The following MEIOSIN variants were observed in gnomAD, a reference collection of about 807,000 sequenced individuals.
MEIOSIN encodes meiosis initiator.
In MEIOSIN, 18 loss-of-function variants were observed where a neutral mutation model predicts 23.4. The observed-to-expected ratio is 0.77, with a 90% CI of 0.53 to 1.14. MEIOSIN has a LOEUF of 1.14. Ranked by LOEUF, MEIOSIN falls within the 50% of genes most tolerant of loss-of-function variation. The probability of loss-of-function intolerance (pLI) is 0.00; values close to 1 mark genes in which losing one functional copy is unlikely to be tolerated. For synonymous variants in MEIOSIN, 187 were observed against 100.6 expected (o/e 1.86, Z -5.14); for missense variants, 428 against 242.9 (o/e 1.76, Z -5.07).
At chr19:45,746,578 G>A (rs918463314) in intron 4 of MEIOSIN, among the ~76,000 whole-genome samples, 1 of 152,126 alleles carries the variant, frequency 6.6e-6, no homozygotes, top group East Asian at 1.9e-4. Context: ...TCAGTAGTTT[G>A]GGAGGCCGAG....
chr19:45,740,999 C>G (rs1003746498), intron 3 of MEIOSIN, among the ~76,000 whole-genome samples: 1 of 152,044 alleles, frequency 6.6e-6, no homozygotes, highest in Non-Finnish European at 1.5e-5. Context: ...ACCAGCGCAG[C>G]ATTATGGCTT....
intron 8 of MEIOSIN, among the ~76,000 whole-genome samples, chr19:45,756,354 C>T (rs921680562): frequency 1.3e-5 from 2 of 152,222 alleles, no homozygotes; most frequent in African/African-American, 4.8e-5. Context: ...AACACAGAGA[C>T]GTTGACCACG....
chr19:45,739,847 T>C (rs1968470430), intron 3 of MEIOSIN, 117 bp downstream of exon 3: 1 of 622,684 alleles, frequency 1.6e-6, no homozygotes, highest in Non-Finnish European at 2.9e-6. Flanking sequence ...CATGCTTTCT[T>C]TCTTCCTTTT....
Position 45,733,772 on chromosome 19 carries a change from G to A in MEIOSIN, c.-1+106G>A, listed in dbSNP as rs1968363354. The A allele has an allele frequency of 6.6e-6, 1 of 152,334 alleles. No individual in the cohort carries two copies. Among genetic ancestry groups the A allele is most frequent in the African/African-American group, 2.4e-5 (1 of 41,466 alleles). 9.4% of individuals were successfully genotyped at this position (152,334 alleles called of 1,614,324 possible). ...ATCCCCACAGGAGCTTCCCTCGGTG[G>A]GGGGCTCAGGGGAATAGAACATGCT... On this transcript the variant is annotated intron_variant, in intron 1 of 14. Coordinates refer to ENST00000457052, the MANE Select transcript of MEIOSIN (RefSeq NM_001310124.2). This position sits in a 1 kb window ranked among gnomAD's most constrained non-coding sequence, Gnocchi z 5.7.
intron 9 of MEIOSIN, among the ~76,000 whole-genome samples, chr19:45,757,802 T>C (rs1968860046): frequency 6.6e-6 from 1 of 152,070 alleles, no homozygotes; most frequent in African/African-American, 2.4e-5. Context: ...ATTACAGGCA[T>C]GAACCACCCC....
rs1468316636 is a variant in MEIOSIN at position 45,751,310 on chromosome 19, ATAT to A, written c.418+525_418+527del. 1.0e-4 allele frequency among the ~76,000 whole-genome samples: 15 copies of A among 146,726 alleles called. No individual in the cohort carries two copies. In the South Asian group the frequency reaches 1.1e-3, roughly 10 times the overall value. On this transcript the variant is annotated intron_variant, in intron 5 of 14. Transcript: ENST00000457052. ...AATAATAATAATAATAATAATAATA[ATAT>A]ATACATAAAATAAAATAAATCTGAT...
At chr19:45,754,021 C>A (rs1968768076) in intron 6 of MEIOSIN, among the ~76,000 whole-genome samples, 1 of 138,208 alleles carries the variant, frequency 7.2e-6, no homozygotes. Flanking sequence ...CTCACTCTGT[C>A]CACCAGGCTG....
At chr19:45,746,252 C>G (rs1968593462) in intron 4 of MEIOSIN, among the ~76,000 whole-genome samples, 1 of 152,198 alleles carries the variant, frequency 6.6e-6, no homozygotes, top group Admixed American at 6.5e-5. Flanking sequence ...CAGGCATAAG[C>G]CACTGCACCC....
intron 9 of MEIOSIN, among the ~76,000 whole-genome samples, chr19:45,758,549 C>T (rs868467999): frequency 6.6e-6 from 1 of 151,880 alleles, no homozygotes; most frequent in South Asian, 2.1e-4. Flanking sequence ...CTTCCTCAGC[C>T]TCCTGAGTAA....
chr19:45,762,494 C>T (rs1276113992), intron 13 of MEIOSIN, among the ~76,000 whole-genome samples: 1 of 152,208 alleles, frequency 6.6e-6, no homozygotes, highest in Non-Finnish European at 1.5e-5. Context: ...GTGGCACAAT[C>T]ACAGCTCACT....
rs1463044700 is a variant in MEIOSIN at position 45,734,889 on chromosome 19, G to GTTTGTT, written c.1-472_1-467dup. On this transcript the variant is annotated intron_variant, in intron 1 of 14. Coordinates refer to ENST00000457052, the MANE Select transcript of MEIOSIN (RefSeq NM_001310124.2). ...TTAGTGCCTTTTTAGAGGTTTAGGG[G>GTTTGTT]TTTGTTTTTGTTTTTGTTTTTTGAG... Among the ~76,000 whole-genome samples the GTTTGTT allele has an allele frequency of 4.2e-3, 635 of 151,254 alleles. 11 individuals are homozygous for GTTTGTT. Among genetic ancestry groups the GTTTGTT allele is most frequent in the African/African-American group, 0.015 (604 of 41,280 alleles).
intron 7 of MEIOSIN, 102 bp downstream of exon 7, chr19:45,754,826 A>G (rs2146193403): frequency 1.5e-6 from 1 of 651,316 alleles, no homozygotes; most frequent in East Asian, 2.7e-5. Flanking sequence ...GGGCTGCAGC[A>G]GTGAATAGGA....
In MEIOSIN at chr19:45,739,694, G is replaced by C. The variant is rs1015437558; in HGVS notation, c.140G>C (p.Arg47Thr). ...KVNPSEPHGL[R>T]MEEKWLLKGK... ...AACCCCTCCGAACCACATGGACTGA[G>C]AATGGAGGAGAAATGGTTGCTCAAA... The change falls in exon 3 of 15, where the codon AGA (arginine) becomes ACA (threonine). Residue 47 changes from arginine to threonine, a missense_variant. By Grantham distance (71) the Arg-to-Thr change is moderately conservative (BLOSUM62 -1). Coordinates refer to ENST00000457052, the MANE Select transcript of MEIOSIN (RefSeq NM_001310124.2). 3.3e-5 allele frequency: 23 copies of C among 703,466 alleles called. No homozygotes were observed. The highest frequency in any genetic ancestry group is 6.0e-5 in the Non-Finnish European group (23 of 385,126). The allele number at this position is 703,466 out of a possible 1,614,324, so 43.6% of individuals were successfully genotyped here. A position where few individuals can be genotyped will look rare whatever the true frequency, so the allele number is the denominator to read the frequency against.
intron 7 of MEIOSIN, among the ~76,000 whole-genome samples, chr19:45,755,089 G>A (rs985173579): frequency 6.6e-6 from 1 of 152,130 alleles, no homozygotes; most frequent in African/African-American, 2.4e-5. Context: ...GAGGGAGGTC[G>A]GAGCTCGAGG....
At chr19:45,735,520 A>T (rs1248003947) in intron 2 of MEIOSIN, 73 bp downstream of exon 2, 1 of 662,814 alleles carries the variant, frequency 1.5e-6, no homozygotes, top group Non-Finnish European at 2.8e-6. Flanking sequence ...ACATTTGCTG[A>T]GCATTTACCG....
chr19:45,760,944 A>G (rs1231881391), intron 11 of MEIOSIN, among the ~76,000 whole-genome samples: 1 of 145,940 alleles, frequency 6.9e-6, no homozygotes, highest in Non-Finnish European at 1.5e-5. Flanking sequence ...AAAAAGAAAG[A>G]AAAGAAAAAA....
intron 11 of MEIOSIN, among the ~76,000 whole-genome samples, chr19:45,760,094 C>A (rs759023631): frequency 6.6e-6 from 1 of 151,180 alleles, no homozygotes; most frequent in Non-Finnish European, 1.5e-5. Flanking sequence ...AGCCACCGTG[C>A]CCAGCTTCCC....
Position 45,756,648 on chromosome 19 carries a change from T to G in MEIOSIN, c.912-529T>G, listed in dbSNP as rs143424306. ...TATGTTGCCTAGGCTGGTCTTGAAC[T>G]CGTAGGCTCAAGCAATCCTCCCACC... On this transcript the variant is annotated intron_variant, in intron 8 of 14. Coordinates refer to ENST00000457052, the MANE Select transcript of MEIOSIN (RefSeq NM_001310124.2). Among the ~76,000 whole-genome samples, 225 of 152,232 alleles carry G rather than the reference T, an allele frequency of 1.5e-3. 6 individuals are homozygous for G. The East Asian group carries it at 0.039, about 26-fold the overall frequency.
At chr19:45,762,358 C>T (rs1164452860) in intron 13 of MEIOSIN, among the ~76,000 whole-genome samples, 175 bp downstream of exon 13, 1 of 152,088 alleles carries the variant, frequency 6.6e-6, no homozygotes, top group Non-Finnish European at 1.5e-5. Flanking sequence ...TTGTATTGGA[C>T]AGGGTCCATC....
Sources: gnomAD v4.1 joint callset for allele counts (sites outside exome capture counted in the v4.1 genomes callset) on GRCh38, gnomAD v4.1.1 for gene constraint, Gnocchi (gnomAD v3.1) non-coding constraint, MANE v1.5 for transcripts, NCBI Gene and HGNC (gene_info 2026-07-23, HGNC 2026-07-21) for gene names.